The following AGBL4 variants were observed in gnomAD, a reference collection of about 807,000 sequenced individuals.
AGBL4 encodes the protein cytosolic carboxypeptidase 6.
Under a neutral mutation model 66.4 loss-of-function variants are expected in AGBL4, and 58 were observed. The ratio of observed to expected loss-of-function variants is 0.87; its 90% CI spans 0.71 to 1.09. The LOEUF (loss-of-function observed/expected upper bound fraction) is 1.09. AGBL4 is among the 50% of genes least tolerant of loss of function. The pLI is 0.00. For synonymous variants in AGBL4, 234 were observed against 222.9 expected, an observed-to-expected ratio of 1.05 and a Z score of -0.44; for missense variants, 579 against 631.0, an observed-to-expected ratio of 0.92 and a Z score of 0.88.
At chr1:49,374,796 C>T (rs1557880603) in intron 3 of AGBL4, among the ~76,000 whole-genome samples, 2 of 152,110 alleles carry the variant, frequency 1.3e-5, no homozygotes, top group African/African-American at 4.8e-5. Context: ...CTTCCTAAAC[C>T]TTCAGTAATC....
chr1:48,528,530 G>A (rs1643891567), downstream of AGBL4, among the ~76,000 whole-genome samples: 1 of 152,078 alleles, frequency 6.6e-6, no homozygotes, highest in South Asian at 2.1e-4. Context: ...GTCTGGGGCT[G>A]AACCGAGAGA....
chr1:49,718,926 C>T (rs964437713), intron 2 of AGBL4, among the ~76,000 whole-genome samples: 1 of 152,018 alleles, frequency 6.6e-6, no homozygotes, highest in Non-Finnish European at 1.5e-5. Context: ...TCTCCAGATG[C>T]CTTACACAGA....
At chr1:48,669,250 G>A (rs1307196687) in intron 6 of AGBL4, among the ~76,000 whole-genome samples, 1 of 152,162 alleles carries the variant, frequency 6.6e-6, no homozygotes, top group Non-Finnish European at 1.5e-5. Flanking sequence ...CAAACAATAA[G>A]CAAGAGACTT....
At chr1:49,867,379 G>A (rs1161729056) in intron 1 of AGBL4, among the ~76,000 whole-genome samples, 1 of 150,348 alleles carries the variant, frequency 6.7e-6, no homozygotes, top group African/African-American at 2.4e-5. Flanking sequence ...TAGGGTACAT[G>A]TGCACAACAT....
chr1:49,038,649 G>C (rs542365074), intron 5 of AGBL4, among the ~76,000 whole-genome samples: 1 of 152,136 alleles, frequency 6.6e-6, no homozygotes, highest in East Asian at 1.9e-4. Context: ...ACAACAATGA[G>C]ATACAGTACA....
chr1:49,661,063 C>G (rs1322790519), intron 3 of AGBL4, among the ~76,000 whole-genome samples: 1 of 152,006 alleles, frequency 6.6e-6, no homozygotes, highest in Non-Finnish European at 1.5e-5. Context: ...ACACATTTAC[C>G]TATGTAACAA....
chr1:49,585,648 A>G (rs1644634058), intron 3 of AGBL4, among the ~76,000 whole-genome samples: 1 of 152,174 alleles, frequency 6.6e-6, no homozygotes, highest in Non-Finnish European at 1.5e-5. Context: ...CAAGCAGATG[A>G]CACAGCTAAG....
intron 3 of AGBL4, among the ~76,000 whole-genome samples, chr1:49,487,445 T>C (rs1647092397): frequency 6.6e-6 from 1 of 151,916 alleles, no homozygotes; most frequent in African/African-American, 2.4e-5. Context: ...AATTGAATCA[T>C]GGGGGCAGTT....
intron 4 of AGBL4, among the ~76,000 whole-genome samples, chr1:49,189,029 T>C (rs1647067288): frequency 6.6e-6 from 1 of 152,162 alleles, no homozygotes. Flanking sequence ...GAAGAAGTAC[T>C]GTGATCAATT....
In AGBL4 at chr1:48,578,410, AGTACAGT is replaced by A. The variant is rs1644687087; in HGVS notation, c.1267+8587_1267+8593del. On this transcript the variant is annotated intron_variant, in intron 11 of 13. Transcript: ENST00000371839. ...GAGGAGAAAAAAATCAACAGACTTC[AGTACAGT>A]TTAGACTTCGGTTCCCAAAACCCTC... 5.9e-5 allele frequency among the ~76,000 whole-genome samples: 9 copies of A among 152,368 alleles called. No individual in the cohort carries two copies. The South Asian group carries it at 1.9e-3, about 32-fold the overall frequency.
At chr1:48,621,570 C>G (rs1645414296) in intron 9 of AGBL4, among the ~76,000 whole-genome samples, 1 of 152,198 alleles carries the variant, frequency 6.6e-6, no homozygotes, top group African/African-American at 2.4e-5. Context: ...CTGCTAACAT[C>G]TAGTTTACAT....
intron 8 of AGBL4, among the ~76,000 whole-genome samples, chr1:48,644,112 A>G (rs1453406020): frequency 1.3e-5 from 2 of 152,162 alleles, no homozygotes; most frequent in African/African-American, 4.8e-5. Flanking sequence ...TTATCACTCC[A>G]AATCTCTAGT....
chr1:49,172,899 G>T (rs575291043), intron 4 of AGBL4, among the ~76,000 whole-genome samples: 1 of 152,178 alleles, frequency 6.6e-6, no homozygotes, highest in African/African-American at 2.4e-5. Context: ...GCTGAGGTGG[G>T]CAAATCATCT....
At chr1:49,171,054 G>A (rs1469305095) in intron 4 of AGBL4, among the ~76,000 whole-genome samples, 2 of 152,130 alleles carry the variant, frequency 1.3e-5, no homozygotes, top group African/African-American at 4.8e-5. Context: ...CAGACTGAAA[G>A]CCTGGGAAAT....
intron 6 of AGBL4, among the ~76,000 whole-genome samples, chr1:48,770,741 G>A (rs577389298): frequency 6.6e-6 from 1 of 152,076 alleles, no homozygotes; most frequent in African/African-American, 2.4e-5. Context: ...GGTTCTCCTC[G>A]AGACAGGGAG....
chr1:48,693,731 C>G (rs1205506222), intron 6 of AGBL4, among the ~76,000 whole-genome samples: 1 of 152,200 alleles, frequency 6.6e-6, no homozygotes, highest in African/African-American at 2.4e-5. Context: ...CTTCACAGAA[C>G]AGCCGTGGAC....
intron 1 of AGBL4, among the ~76,000 whole-genome samples, chr1:49,918,886 G>C (rs1038411526): frequency 1.3e-5 from 2 of 152,056 alleles, no homozygotes; most frequent in Non-Finnish European, 2.9e-5. Flanking sequence ...TTATCCACCA[G>C]GATCAAGTGG....
chr1:49,175,674 G>A (rs541759623), intron 4 of AGBL4, among the ~76,000 whole-genome samples: 1 of 152,190 alleles, frequency 6.6e-6, no homozygotes, highest in South Asian at 2.1e-4. Flanking sequence ...CTTTTTACTT[G>A]ATTTACTTTC....
intron 3 of AGBL4, among the ~76,000 whole-genome samples, chr1:49,516,176 G>T (rs1649804928): frequency 6.6e-6 from 1 of 151,902 alleles, no homozygotes; most frequent in Non-Finnish European, 1.5e-5. Context: ...TACAGAAATG[G>T]ATATGACAGT....
Sources: allele counts gnomAD v4.1 joint callset (sites outside exome capture counted in the v4.1 genomes callset), GRCh38; gene constraint gnomAD v4.1.1; transcripts MANE v1.5; gene names NCBI Gene and HGNC (gene_info 2026-07-23, HGNC 2026-07-21).